The following ACSM6 variants were observed in gnomAD, a reference collection of about 807,000 sequenced individuals.
ACSM6 encodes acyl-CoA synthetase medium chain family member 6.
ACSM6 carries 35 observed loss-of-function variants against 51.1 expected under a neutral mutation model. The observed-to-expected ratio is 0.69, with a 90% CI of 0.52 to 0.91. The LOEUF (loss-of-function observed/expected upper bound fraction) is 0.91, where lower values mean the gene tolerates loss of function less well. ACSM6 is among the 40% of genes least tolerant of loss of function. The pLI is 0.00. For synonymous variants in ACSM6, 172 were observed against 207.3 expected (o/e 0.83, Z 1.46); for missense variants, 509 against 584.1 (o/e 0.87, Z 1.32).
At chr10:95,199,225 A>G (rs980013646) in intron 2 of ACSM6, among the ~76,000 whole-genome samples, 13 of 152,374 alleles carry the variant, frequency 8.5e-5, no homozygotes, top group African/African-American at 3.1e-4. Flanking sequence ...ATCTTTGACA[A>G]ACCTGACAAA....
At chr10:95,209,579 C>T (rs1048807355) in intron 4 of ACSM6, among the ~76,000 whole-genome samples, 3 of 151,398 alleles carry the variant, frequency 2.0e-5, no homozygotes, top group Non-Finnish European at 2.9e-5. Flanking sequence ...GAGACAGGAC[C>T]GAAAACAAGC....
chr10:95,211,864 C>T lies in ACSM6; in HGVS notation c.756-14C>T. On this transcript the variant is annotated splice_polypyrimidine_tract_variant and intron_variant, in intron 5 of 10. Coordinates refer to ENST00000341686, the Ensembl canonical transcript of ACSM6. ...GCACGAGAGAATTCAAATGGCTTTC[C>T]TCTTTCTCTTTAGACGGTGGATGGA... 2 of 1,579,578 alleles carry T rather than the reference C, an allele frequency of 1.3e-6. No homozygotes were observed. The highest frequency in any genetic ancestry group is 1.7e-6 in the Non-Finnish European group (2 of 1,165,358).
intron 10 of ACSM6, among the ~76,000 whole-genome samples, chr10:95,227,207 G>A (rs534562195): frequency 2.6e-5 from 4 of 152,034 alleles, no homozygotes; most frequent in Admixed American, 2.6e-4. Flanking sequence ...GGTTGGTCTG[G>A]AACTCCTGAC....
chr10:95,212,952 T>TC lies in ACSM6; in HGVS notation c.995+15dup. ...AAGTGTTTCACCAGGTAAGAGAGGATCCCTCAGGAGAGAGTCCATTTCCAC... is the reference window on the plus strand; with the variant it reads ...AAGTGTTTCACCAGGTAAGAGAGGATCCCCTCAGGAGAGAGTCCATTTCCAC... On this transcript the variant is annotated intron_variant, in intron 7 of 10. Transcript: ENST00000341686. The TC allele has an allele frequency of 6.3e-7, 1 of 1,592,844 alleles. No individual in the cohort carries two copies. Among genetic ancestry groups the TC allele is most frequent in the South Asian group, 1.1e-5 (1 of 90,602 alleles).
exon 11 of ACSM6, chr10:95,228,823 G>A (rs370056773): frequency 2.6e-6 from 4 of 1,536,468 alleles, no homozygotes; most frequent in Non-Finnish European, 2.6e-6. Flanking sequence ...GGCTGTGGGA[G>A]TTTGAAGAAG....
chr10:95,210,925 A>ACAGGG, intron 5 of ACSM6, 132 bp downstream of exon 5: 1 of 1,142,038 alleles, frequency 8.8e-7, no homozygotes, highest in Admixed American at 3.0e-5. Context: ...GAGAGAAGGA[A>ACAGGG]CAGGGCTGAG....
chr10:95,207,707 G>A (rs535540303), intron 4 of ACSM6, among the ~76,000 whole-genome samples: 32 of 151,936 alleles, frequency 2.1e-4, no homozygotes, highest in Non-Finnish European at 4.4e-4. Context: ...GTAACCATTC[G>A]TTCTGAAAGG....
intron 3 of ACSM6, 84 bp downstream of exon 3, chr10:95,202,279 G>A: frequency 8.2e-7 from 1 of 1,219,760 alleles, no homozygotes; most frequent in Non-Finnish European, 1.2e-6. Flanking sequence ...GATGTTAGAG[G>A]GATCTCTATC....
chr10:95,207,335 C>T (rs556286020), exon 4 of ACSM6: 26 of 1,614,108 alleles, frequency 1.6e-5, no homozygotes, highest in African/African-American at 9.3e-5. Flanking sequence ...CTGCCGTGTC[C>T]GACTGCCCCA....
In ACSM6 at chr10:95,221,570, G is replaced by A. The variant is rs948244765; in HGVS notation, c.1200+1599G>A. Among the ~76,000 whole-genome samples, 3 of 151,424 alleles carry A rather than the reference G, an allele frequency of 2.0e-5. No homozygotes were observed. The East Asian group carries it at 5.8e-4, about 29-fold the overall frequency. On this transcript the variant is annotated intron_variant, in intron 9 of 10. Coordinates refer to ENST00000341686, the Ensembl canonical transcript of ACSM6. Reference sequence around the variant, plus strand: ...CACTGCACTCCAGCCTGGGTGACAAGAGCAAAACTCCATCTCAAAAAAAAA... The same window carrying A: ...CACTGCACTCCAGCCTGGGTGACAAAAGCAAAACTCCATCTCAAAAAAAAA...
chr10:95,194,741 A>T, intron 2 of ACSM6, 64 bp downstream of exon 2: 2 of 1,414,610 alleles, frequency 1.4e-6, no homozygotes, highest in East Asian at 5.0e-5. Flanking sequence ...GCGTCCAAAG[A>T]TCATGAGATT....
chr10:95,217,996 G>C (rs2034962814), intron 8 of ACSM6, among the ~76,000 whole-genome samples: 1 of 152,214 alleles, frequency 6.6e-6, no homozygotes, highest in Non-Finnish European at 1.5e-5. Context: ...CCAAAGAGTT[G>C]ACATTTTCAG....
exon 1 of ACSM6, chr10:95,194,279 C>T (rs2133365294): frequency 2.0e-6 from 1 of 505,588 alleles, no homozygotes; most frequent in Non-Finnish European, 3.5e-6. Flanking sequence ...TCTGAAGCCC[C>T]CCATAGAAAC....
intron 7 of ACSM6, among the ~76,000 whole-genome samples, chr10:95,214,062 C>T (rs1021682971): frequency 3.3e-5 from 5 of 152,122 alleles, no homozygotes; most frequent in Admixed American, 6.5e-5. Context: ...AGTCATCTCT[C>T]GCTTATACCC....
chr10:95,209,737 ATATT>A (rs1406891323), intron 4 of ACSM6, among the ~76,000 whole-genome samples: 4 of 151,948 alleles, frequency 2.6e-5, no homozygotes, highest in African/African-American at 7.2e-5. Flanking sequence ...ATTTCCACAA[ATATT>A]TATTTTATAT....
chr10:95,228,771 G>C (rs2035065866), exon 11 of ACSM6: 2 of 1,551,278 alleles, frequency 1.3e-6, no homozygotes, highest in East Asian at 4.9e-5. Context: ...AATGCATTGG[G>C]TCAGAGATTG....
At chr10:95,201,585 C>T (rs1208722134) in intron 2 of ACSM6, 1 of 457,236 alleles carries the variant, frequency 2.2e-6, no homozygotes. Flanking sequence ...GATTCCATCA[C>T]TTTGCTATTG....
chr10:95,216,021 T>C (rs1456723745), intron 8 of ACSM6, among the ~76,000 whole-genome samples: 1 of 152,200 alleles, frequency 6.6e-6, no homozygotes, highest in Non-Finnish European at 1.5e-5. Context: ...CTCAAACTCC[T>C]GGGATCAAGA....
chr10:95,216,410 G>A (rs547434675), intron 8 of ACSM6, among the ~76,000 whole-genome samples: 2 of 152,152 alleles, frequency 1.3e-5, no homozygotes, highest in Non-Finnish European at 2.9e-5. Flanking sequence ...ATCAAGGAAG[G>A]AAGAGACTGG....
Sources: allele counts gnomAD v4.1 joint callset (sites outside exome capture counted in the v4.1 genomes callset), GRCh38; gene constraint gnomAD v4.1.1; transcripts MANE v1.5; gene names NCBI Gene and HGNC (gene_info 2026-07-23, HGNC 2026-07-21).